Variants in SERPINB7 observed in about 807,000 individuals in gnomAD.
SERPINB7 encodes the protein serpin B7.
SERPINB7 carries 31 observed loss-of-function variants against 37.4 expected under a neutral mutation model. That is an observed-to-expected ratio of 0.83 (90% CI 0.62 to 1.12). The LOEUF is 1.12. SERPINB7 is among the 50% of genes most tolerant of loss of function. The pLI is 0.00. For missense variants in SERPINB7, 521 were observed against 455.3 expected (o/e 1.14, Z -1.31); for synonymous variants, 163 against 166.1 (o/e 0.98, Z 0.14).
chr18:63,800,163 C>T (rs1225128070), intron 6 of SERPINB7, among the ~76,000 whole-genome samples: 3 of 151,784 alleles, frequency 2.0e-5, no homozygotes, highest in Non-Finnish European at 2.9e-5. Flanking sequence ...AGGTGGTCCT[C>T]CCACCTCAGC....
intron 1 of SERPINB7, among the ~76,000 whole-genome samples, chr18:63,760,855 A>C (rs540447581): frequency 6.6e-6 from 1 of 152,376 alleles, no homozygotes; most frequent in South Asian, 2.1e-4. Flanking sequence ...AGATGTATAG[A>C]AATTCCTGGA....
chr18:63,784,031 T>A (rs2049340219), intron 2 of SERPINB7, among the ~76,000 whole-genome samples: 1 of 152,184 alleles, frequency 6.6e-6, no homozygotes. Flanking sequence ...AACACTTTAA[T>A]GAGATGATAG....
chr18:63,755,855 C>T (rs2144580188), intron 1 of SERPINB7, among the ~76,000 whole-genome samples: 1 of 152,242 alleles, frequency 6.6e-6, no homozygotes, highest in South Asian at 2.1e-4. Context: ...GATGATGCCA[C>T]TGTGCCCCAG....
chr18:63,783,217 AG>A (rs775702239), intron 2 of SERPINB7, among the ~76,000 whole-genome samples: 1,101 of 77,114 alleles, frequency 0.014, 7 homozygotes, highest in Middle Eastern at 0.045. Flanking sequence ...AGAGAGAGAG[AG>A]AGAGAGAGAG....
At chr18:63,783,224 GAGAGAGAGAGAAAGAAAGAAAGAAAGAA>G (rs1222199756) in intron 2 of SERPINB7, among the ~76,000 whole-genome samples, 25 of 54,156 alleles carry the variant, frequency 4.6e-4, no homozygotes, top group Admixed American at 1.6e-3. Flanking sequence ...GAGAGAGAGA[GAGAGAGAGAGAAAGAAAGAAAGAAAGAA>G]AGAAAGAAAG....
intron 2 of SERPINB7, among the ~76,000 whole-genome samples, chr18:63,787,796 T>C (rs2049387592): frequency 6.6e-6 from 1 of 152,214 alleles, no homozygotes; most frequent in African/African-American, 2.4e-5. Flanking sequence ...ATTACTACAT[T>C]CTTTTTACGA....
At chr18:63,776,240 C>T (rs2049246553) in intron 1 of SERPINB7, among the ~76,000 whole-genome samples, 1 of 151,918 alleles carries the variant, frequency 6.6e-6, no homozygotes, top group Admixed American at 6.6e-5. Flanking sequence ...TCAATAGATG[C>T]ATACAATTTA....
Position 63,801,283 on chromosome 18 carries a change from G to A in SERPINB7, c.744+271G>A, listed in dbSNP as rs115838562. 1.6e-3 allele frequency among the ~76,000 whole-genome samples: 242 copies of A among 152,276 alleles called. 3 individuals carry two copies. Among genetic ancestry groups the A allele is most frequent in the African/African-American group, 5.7e-3 (235 of 41,572 alleles). On this transcript the variant is annotated intron_variant, in intron 7 of 7. Coordinates refer to ENST00000398019, the MANE Select transcript of SERPINB7 (RefSeq NM_003784.4). Reference sequence around the variant, plus strand: ...CAAATGTCAGCTATGGAATTAAAAAGACATGAGTTTAGGCCTTTTTGGTGT... The same window carrying A: ...CAAATGTCAGCTATGGAATTAAAAAAACATGAGTTTAGGCCTTTTTGGTGT...
chr18:63,795,662 C>T (rs1461392417), intron 4 of SERPINB7, among the ~76,000 whole-genome samples: 2 of 151,396 alleles, frequency 1.3e-5, no homozygotes, highest in Non-Finnish European at 2.9e-5. Context: ...ATACTTGGAA[C>T]TAGAAAATGG....
intron 1 of SERPINB7, among the ~76,000 whole-genome samples, chr18:63,778,301 A>C (rs892457298): frequency 1.1e-4 from 16 of 152,186 alleles, no homozygotes; most frequent in Non-Finnish European, 2.9e-5. Flanking sequence ...TTTTAAAAGA[A>C]ATACAAAGAT....
At chr18:63,788,269 A>G (rs2049393005) in intron 2 of SERPINB7, among the ~76,000 whole-genome samples, 1 of 152,212 alleles carries the variant, frequency 6.6e-6, no homozygotes, top group African/African-American at 2.4e-5. Flanking sequence ...CAAGACGTGA[A>G]GGAAAAAGAC....
At chr18:63,755,669 G>A (rs950070528) in intron 1 of SERPINB7, among the ~76,000 whole-genome samples, 4 of 152,002 alleles carry the variant, frequency 2.6e-5, no homozygotes, top group African/African-American at 9.7e-5. Context: ...GAGGTGGGAG[G>A]ATTGCTTGAG....
intron 1 of SERPINB7, among the ~76,000 whole-genome samples, chr18:63,764,184 T>C (rs1474635228): frequency 6.6e-6 from 1 of 152,186 alleles, no homozygotes; most frequent in East Asian, 1.9e-4. Context: ...AATTTTTCTC[T>C]ATCACTTACA....
At chr18:63,783,232 GAGAAAGAAAGAAAGAAAGAAAGAAAGAA>G (rs761812129) in intron 2 of SERPINB7, among the ~76,000 whole-genome samples, 2 of 40,760 alleles carry the variant, frequency 4.9e-5, no homozygotes, top group Non-Finnish European at 9.1e-5. Flanking sequence ...GAGAGAGAGA[GAGAAAGAAAGAAAGAAAGAAAGAAAGAA>G]AGAAAGAAAG....
At chr18:63,755,036 A>G (rs1431764549) in intron 1 of SERPINB7, among the ~76,000 whole-genome samples, 3 of 151,816 alleles carry the variant, frequency 2.0e-5, no homozygotes, top group Admixed American at 2.0e-4. Flanking sequence ...AGTAGCTGGG[A>G]CTACAGGCGC....
At chr18:63,775,896 G>C (rs1288128958) in intron 1 of SERPINB7, among the ~76,000 whole-genome samples, 180 bp downstream of exon 1, 1 of 152,086 alleles carries the variant, frequency 6.6e-6, no homozygotes, top group Non-Finnish European at 1.5e-5. Context: ...TTTTCTGGTG[G>C]GGCAGCTTTT....
rs1568208071 is a variant in SERPINB7, at chr18:63,783,278, GAAAGA to G, written c.168+741_168+745del. 1.5e-3 allele frequency among the ~76,000 whole-genome samples: 229 copies of G among 148,820 alleles called. 6 individuals carry two copies. The highest frequency in any genetic ancestry group is 9.8e-3 in the South Asian group (45 of 4,572). On this transcript the variant is annotated intron_variant, in intron 2 of 7. Transcript: ENST00000398019. ...AGAAAGAAAGAAAGAAAGAAAGAAA[GAAAGA>G]AAGAAAGAAAGAAATGCAAATGCTT...
At chr18:63,783,556 A>C (rs2049335414) in intron 2 of SERPINB7, among the ~76,000 whole-genome samples, 1 of 152,196 alleles carries the variant, frequency 6.6e-6, no homozygotes. Context: ...CATTGTCATC[A>C]TCACCACCTT....
intron 1 of SERPINB7, 94 bp from the exon 2 acceptor site, chr18:63,782,261 G>A (rs776699097): frequency 6.8e-5 from 56 of 827,548 alleles, no homozygotes; most frequent in Non-Finnish European, 9.0e-5. Context: ...GAAAAAAAAT[G>A]AAGCTTTAAA....
Sources: gnomAD v4.1 joint callset for allele counts (sites outside exome capture counted in the v4.1 genomes callset) on GRCh38, gnomAD v4.1.1 for gene constraint, MANE v1.5 for transcripts, NCBI Gene and HGNC (gene_info 2026-07-23, HGNC 2026-07-21) for gene names.